MINK1: variants seen among roughly 807,000 people sequenced by gnomAD.
The protein encoded by MINK1 is misshapen-like kinase 1.
MINK1 carries 46 observed loss-of-function variants against 178.4 expected under a neutral mutation model. The observed-to-expected ratio is 0.26, with a 90% CI of 0.20 to 0.33. The LOEUF is 0.33. MINK1 is among the 10% of genes least tolerant of loss of function. MINK1 has a pLI of 1.00. For missense variants in MINK1, 1,366 were observed against 1,814.9 expected (o/e 0.75, Z 4.49); for synonymous variants, 797 against 709.7 (o/e 1.12, Z -1.96).
At position 4,893,439 on chromosome 17, in the gene MINK1, T is replaced by C. The variant is rs767502988; in HGVS notation, c.2406T>C (p.Phe802=). The C allele has an allele frequency of 1.3e-6, 2 of 1,595,150 alleles. No individual in the cohort carries two copies. Among genetic ancestry groups the C allele is most frequent in the Admixed American group, 1.7e-5 (1 of 59,380 alleles). The change falls in exon 21 of 32, where the codon TTT becomes TTC. Residue 802 remains phenylalanine (F), a synonymous_variant. Transcript: ENST00000355280. Reference sequence around the variant, plus strand: ...CACGTGGCTCCTCCCTGCAGGACTTTGTGTTGCTGAAAGAGCGGACTCTGG... The same window carrying C: ...CACGTGGCTCCTCCCTGCAGGACTTCGTGTTGCTGAAAGAGCGGACTCTGG... ...HRSRPGRPAD[F]VLLKERTLDE...
Position 4,833,552 on chromosome 17 carries a change from G to A in MINK1, c.-32G>A, listed in dbSNP as rs1908797991. On this transcript the variant is annotated 5_prime_UTR_variant, in exon 1 of 32. Transcript: ENST00000355280. This position sits in a 1 kb window ranked among gnomAD's most constrained non-coding sequence, Gnocchi z 4.8. The stretch of plus-strand genomic sequence containing the variant: ...GTGGAGTAACCGAGCCGGAGCGTGA[G>A]CGGCCCCGGTGCCCCGTTCCCCACG... 6.7e-7 allele frequency: 1 copy of A among 1,484,308 alleles called. No individual in the cohort carries two copies. Among genetic ancestry groups the A allele is most frequent in the South Asian group, 1.3e-5 (1 of 79,906 alleles). The allele number at this position is 1,484,308 out of a possible 1,614,324, so 91.9% of individuals were successfully genotyped here. A position where few individuals can be genotyped will look rare whatever the true frequency, so the allele number is the denominator to read the frequency against.
chr17:4,870,552 TG>T (rs911346454), intron 1 of MINK1, among the ~76,000 whole-genome samples: 1 of 152,096 alleles, frequency 6.6e-6, no homozygotes, highest in Non-Finnish European at 1.5e-5. Flanking sequence ...AGGCCAGGTG[TG>T]GTGGCTCATG....
chr17:4,871,146 G>A, intron 1 of MINK1: 1 of 250,018 alleles, frequency 4.0e-6, no homozygotes, highest in Non-Finnish European at 8.7e-6. Flanking sequence ...ACATCTAGCA[G>A]TAGTTTATTC....
In MINK1 at chr17:4,894,988, G is replaced by C; in HGVS notation, c.2918-87G>C. 4 of 1,402,132 alleles carry C rather than the reference G, an allele frequency of 2.9e-6. No homozygotes were observed. The highest frequency in any genetic ancestry group is 3.9e-6 in the Non-Finnish European group (4 of 1,018,352). 86.9% of individuals were successfully genotyped at this position (1,402,132 alleles called of 1,614,324 possible). ...TCCTCCTTTCTGCGTATTATGAGGT[G>C]CCAAGACCTGATATAGGGGATGGAG... is the stretch of plus-strand genomic sequence containing the variant. On this transcript the variant is annotated intron_variant, in intron 24 of 31. Coordinates refer to ENST00000355280, the MANE Select transcript of MINK1 (RefSeq NM_153827.5). This position sits in a 1 kb window ranked among gnomAD's most constrained non-coding sequence, Gnocchi z 4.1.
In MINK1 at chr17:4,886,437, A is replaced by G. The variant is rs1433870883; in HGVS notation, c.774-14A>G. On this transcript the variant is annotated splice_polypyrimidine_tract_variant and intron_variant, in intron 9 of 31. Transcript: ENST00000355280. The surrounding 1 kb of genome is among the most constrained non-coding windows in gnomAD (Gnocchi z 6.1). ...TGAGGGGACCCTCCCAGTGTGAGCC[A>G]CCACTGTTTCCAGGTCTAAGAAGTT... The G allele has an allele frequency of 1.3e-6, 2 of 1,593,216 alleles. No homozygotes were observed. Among genetic ancestry groups the G allele is most frequent in the Non-Finnish European group, 1.7e-6 (2 of 1,168,770 alleles).
At position 4,894,214 on chromosome 17, in the gene MINK1, A is replaced by T. The variant is rs1033342635; in HGVS notation, c.2711A>T (p.Asn904Ile). 3.1e-6 allele frequency: 5 copies of T among 1,613,466 alleles called. No individual in the cohort carries two copies. Among genetic ancestry groups the T allele is most frequent in the Non-Finnish European group, 4.2e-6 (5 of 1,179,814 alleles). The change falls in exon 23 of 32, where the codon AAT becomes ATT. Residue 904 changes from asparagine to isoleucine, a missense_variant. Around this residue, in one of 14 missense-constraint regions of MINK1, gnomAD observed 709 missense variants for 692.3 expected, o/e 1.02. Transcript: ENST00000355280. This position sits in a 1 kb window ranked among gnomAD's most constrained non-coding sequence, Gnocchi z 4.1. The part of the protein sequence containing the change: ...EERNLLHADS[N>I]GYTNLPDVVQ... ...CGGAACCTGCTGCATGCTGACAGCA[A>T]TGGGTACACAAACCTGCCTGACGTG...
intron 1 of MINK1, among the ~76,000 whole-genome samples, chr17:4,863,915 A>G (rs995533170): frequency 6.6e-6 from 1 of 151,798 alleles, no homozygotes; most frequent in African/African-American, 2.4e-5. Flanking sequence ...TCAGCCTCCC[A>G]AGTAGCTGGA....
intron 16 of MINK1, 143 bp from the exon 17 acceptor site, chr17:4,892,006 C>T (rs1035607704): frequency 2.4e-5 from 19 of 793,718 alleles, no homozygotes; most frequent in Non-Finnish European, 3.7e-5. Flanking sequence ...GCTTCATAAC[C>T]CTGGACGTAT....
intron 12 of MINK1, among the ~76,000 whole-genome samples, chr17:4,888,708 T>C (rs1968464123): frequency 6.8e-6 from 1 of 147,506 alleles, no homozygotes; most frequent in South Asian, 2.1e-4. Flanking sequence ...TTTTTTTTTT[T>C]TTGAGATGGA....
At chr17:4,853,479 T>G (rs77809640) in intron 1 of MINK1, among the ~76,000 whole-genome samples, 2 of 130,128 alleles carry the variant, frequency 1.5e-5, no homozygotes, top group Admixed American at 7.6e-5. Context: ...GTGTGGTTGG[T>G]GGGGGAGTGT....
chr17:4,869,454 T>C (rs1287109982), intron 1 of MINK1, among the ~76,000 whole-genome samples: 2 of 151,644 alleles, frequency 1.3e-5, no homozygotes, highest in Non-Finnish European at 2.9e-5. Flanking sequence ...TTTGTACTTT[T>C]TATAGAGACA....
chr17:4,838,030 CTG>C lies in MINK1; in HGVS notation c.57+4394_57+4395del, dbSNP rs1158156083. Reference sequence around the variant, plus strand: ...GCTGCTGAGCAACGTGGGACTGCCTCTGTGTTCTGATGTGCTAGCTGTCCAAA... The same window carrying C: ...GCTGCTGAGCAACGTGGGACTGCCTCTGTTCTGATGTGCTAGCTGTCCAAA... On this transcript the variant is annotated intron_variant, in intron 1 of 31. Transcript: ENST00000355280. Among the ~76,000 whole-genome samples the C allele has an allele frequency of 2.6e-5, 4 of 152,304 alleles. No homozygotes were observed. The East Asian group carries it at 7.7e-4, about 29-fold the overall frequency.
intron 4 of MINK1, among the ~76,000 whole-genome samples, chr17:4,884,130 G>T (rs1967981392): frequency 6.7e-6 from 1 of 150,276 alleles, no homozygotes; most frequent in African/African-American, 2.5e-5. Flanking sequence ...GCCTCCCAAA[G>T]TGCTGGGATT....
intron 1 of MINK1, among the ~76,000 whole-genome samples, chr17:4,854,934 C>T (rs542996669): frequency 1.6e-4 from 25 of 152,172 alleles, no homozygotes; most frequent in African/African-American, 4.6e-4. Context: ...AGGCTGGGCG[C>T]GGTGGCTCCC....
At chr17:4,861,515 T>A (rs563815774) in intron 1 of MINK1, among the ~76,000 whole-genome samples, 6 of 152,164 alleles carry the variant, frequency 3.9e-5, no homozygotes, top group African/African-American at 1.4e-4. Flanking sequence ...TTATTTATTT[T>A]TTTGAGTTGG....
Position 4,839,939 on chromosome 17 carries a change from ATGTGTGTGTGTGTGTGTG to A in MINK1, c.57+6328_57+6345del, listed in dbSNP as rs34473686. Among the ~76,000 whole-genome samples the A allele has an allele frequency of 4.2e-3, 599 of 141,994 alleles. 4 individuals are homozygous for A. The highest frequency in any genetic ancestry group is 0.011 in the African/African-American group (408 of 37,918). The allele number at this position is 141,994 out of a possible 152,430, so 93.2% of individuals were successfully genotyped here. A position where few individuals can be genotyped will look rare whatever the true frequency, so the allele number is the denominator to read the frequency against. On this transcript the variant is annotated intron_variant, in intron 1 of 31. Transcript: ENST00000355280. ...ACATTAATCAAGTAATTATTTATTA[ATGTGTGTGTGTGTGTGTG>A]TGTGTGTGTGTGTGTGTGTGTGTGT...
intron 18 of MINK1, 36 bp downstream of exon 18, chr17:4,892,548 C>A: frequency 6.5e-7 from 1 of 1,537,676 alleles, no homozygotes; most frequent in Non-Finnish European, 8.9e-7. Flanking sequence ...TCTCACCTCT[C>A]ACTTCTGCCA....
intron 1 of MINK1, among the ~76,000 whole-genome samples, chr17:4,851,544 C>T (rs1911952435): frequency 6.6e-6 from 1 of 152,192 alleles, no homozygotes; most frequent in African/African-American, 2.4e-5. Context: ...CCAGCCCAGC[C>T]TCTGCCCGTT....
intron 1 of MINK1, among the ~76,000 whole-genome samples, chr17:4,844,110 C>T (rs937819197): frequency 2.6e-5 from 4 of 152,134 alleles, no homozygotes; most frequent in African/African-American, 4.8e-5. Context: ...TCAAGATCCT[C>T]CTGTCTCAGC....
Sources: allele counts gnomAD v4.1 joint callset (sites outside exome capture counted in the v4.1 genomes callset), GRCh38; gene constraint gnomAD v4.1.1; regional missense constraint gnomAD v4.1.1; non-coding constraint Gnocchi (gnomAD v3.1); transcripts MANE v1.5; gene names NCBI Gene and HGNC (gene_info 2026-07-23, HGNC 2026-07-21).